Variants in DOT1L observed in about 807,000 individuals in gnomAD.
DOT1L encodes the protein histone-lysine N-methyltransferase, H3 lysine-79 specific.
DOT1L carries 33 observed loss-of-function variants against 153.3 expected under a neutral mutation model. That is an observed-to-expected ratio of 0.22 (90% CI 0.16 to 0.29). The LOEUF is 0.29. Among genes scored for constraint, DOT1L ranks in the 10% least tolerant of loss-of-function variants. The pLI is 1.00. For synonymous variants in DOT1L, 1,135 were observed against 965.1 expected, an observed-to-expected ratio of 1.18 and a Z score of -3.26; for missense variants, 1,847 against 2,119.9, an observed-to-expected ratio of 0.87 and a Z score of 2.53.
rs2023878647 is a variant in DOT1L at position 2,215,858 on chromosome 19, AGAAAG to A, written c.1924-417_1924-413del. 3.7e-5 allele frequency: 6 copies of A among 160,026 alleles called. No individual in the cohort carries two copies. The South Asian group carries it at 8.0e-4, about 21-fold the overall frequency. The allele number at this position is 160,026 out of a possible 1,614,324, so 9.9% of individuals were successfully genotyped here. A position where few individuals can be genotyped will look rare whatever the true frequency, so the allele number is the denominator to read the frequency against. ...ATAAAAAAACAATGTGTTTGTTAAAAGAAAGGAAAGCAGGTAAACAGAACAGATAA... is the reference window on the plus strand; with the variant it reads ...ATAAAAAAACAATGTGTTTGTTAAAAGAAAGCAGGTAAACAGAACAGATAA... On this transcript the variant is annotated intron_variant, in intron 19 of 27. Coordinates refer to ENST00000398665, the MANE Select transcript of DOT1L (RefSeq NM_032482.3).
chr19:2,176,391 G>A (rs1407644761), intron 1 of DOT1L, among the ~76,000 whole-genome samples: 1 of 152,210 alleles, frequency 6.6e-6, no homozygotes, highest in East Asian at 1.9e-4. Context: ...GTGGGGCAGA[G>A]GGCACGGCTC....
intron 24 of DOT1L, among the ~76,000 whole-genome samples, 193 bp from the exon 25 acceptor site, chr19:2,223,088 G>T (rs1039247695): frequency 1.3e-5 from 2 of 151,934 alleles, no homozygotes; most frequent in African/African-American, 4.8e-5. Flanking sequence ...GGCATGGGGG[G>T]CTCTGGGATT....
chr19:2,216,546 C>T lies in DOT1L; in HGVS notation c.2189C>T (p.Ser730Leu), dbSNP rs750873331. The T allele has an allele frequency of 2.0e-5, 32 of 1,610,718 alleles. No homozygotes were observed. The highest frequency in any genetic ancestry group is 3.3e-5 in the South Asian group (3 of 91,064). The change falls in exon 20 of 28, where the codon TCG becomes TTG. Residue 730 changes from serine to leucine, a missense_variant. By Grantham distance (145) the Ser-to-Leu change is moderately radical (BLOSUM62 -2). Coordinates refer to ENST00000398665, the MANE Select transcript of DOT1L (RefSeq NM_032482.3). ...YELCGVLSRP[S>L]SKQNTPQYLA... ...CTCTGCGGTGTGCTGAGCCGGCCTT[C>T]GTCGAAGCAGAACACGCCCCAGTAC...
At chr19:2,183,733 T>A (rs1286708522) in intron 2 of DOT1L, among the ~76,000 whole-genome samples, 1 of 151,956 alleles carries the variant, frequency 6.6e-6, no homozygotes, top group Non-Finnish European at 1.5e-5. Context: ...TTCAAGTGAT[T>A]CTTCTTCCTC....
At chr19:2,181,763 ACCAGCCCCAGCCCCAGCC>A (rs899034866) in intron 2 of DOT1L, among the ~76,000 whole-genome samples, 11 of 138,488 alleles carry the variant, frequency 7.9e-5, no homozygotes, top group South Asian at 2.3e-4. Flanking sequence ...CCCGCCCAGC[ACCAGCCCCAGCCCCAGCC>A]CCAGCCCCAG....
In DOT1L at chr19:2,226,558, G is replaced by A. The variant is rs2144932780; in HGVS notation, c.4037G>A (p.Gly1346Asp). 3 of 1,600,514 alleles carry A rather than the reference G, an allele frequency of 1.9e-6. No homozygotes were observed. Among genetic ancestry groups the A allele is most frequent in the Non-Finnish European group, 2.5e-6 (3 of 1,179,042 alleles). Residue 1346 changes from glycine to aspartate, a missense_variant, in exon 27 of 28, where the codon GGC (glycine) becomes GAC (aspartate). Physicochemically the swap from Gly to Asp is moderately conservative, Grantham distance 94 (BLOSUM62 -1). Around this residue, in one of 8 missense-constraint regions of DOT1L, gnomAD observed 934 missense variants for 825.3 expected, o/e 1.13. Transcript: ENST00000398665. ...CCCCACAAGGGCCCCGAGGCGGCCG[G>A]CCTGAGCTCCCCGCTGAGCTTCCCC... ...SLPHKGPEAA[G>D]LSSPLSFPSQ...
rs906498453 is a variant in DOT1L, at chr19:2,190,144, T to TC, written c.264+354dup. Reference sequence around the variant, plus strand: ...CCCCGGGCTGTGTGAATGCCGGCCTTCCCCCTTGGACCTCCCCCACACCGC... The same window carrying TC: ...CCCCGGGCTGTGTGAATGCCGGCCTTCCCCCCTTGGACCTCCCCCACACCGC... On this transcript the variant is annotated intron_variant, in intron 4 of 27. Transcript: ENST00000398665. This position sits in a 1 kb window ranked among gnomAD's most constrained non-coding sequence, Gnocchi z 4.8. Among the ~76,000 whole-genome samples the TC allele has an allele frequency of 1.1e-4, 17 of 151,976 alleles. No individual in the cohort carries two copies. The highest frequency in any genetic ancestry group is 4.1e-4 in the African/African-American group (17 of 41,438).
At chr19:2,174,748 C>G (rs2021825772) in intron 1 of DOT1L, among the ~76,000 whole-genome samples, 1 of 149,470 alleles carries the variant, frequency 6.7e-6, no homozygotes, top group Non-Finnish European at 1.5e-5. Flanking sequence ...GTCTCCCAAA[C>G]AGCTGAGACT....
rs1309223222 is a variant in DOT1L at position 2,180,704 on chromosome 19, CTG to C, written c.82-7_82-6del. ...GGCTCTGCGTCTCAAACTTCTCTCT[CTG>C]TTTCAGGATAAACATCACGATGCTG... On this transcript the variant is annotated splice_polypyrimidine_tract_variant and splice_region_variant and intron_variant, in intron 1 of 27. Coordinates refer to ENST00000398665, the MANE Select transcript of DOT1L (RefSeq NM_032482.3). The C allele has an allele frequency of 1.2e-6, 2 of 1,614,058 alleles. No homozygotes were observed. Among genetic ancestry groups the C allele is most frequent in the Non-Finnish European group, 1.7e-6 (2 of 1,180,000 alleles).
intron 8 of DOT1L, among the ~76,000 whole-genome samples, chr19:2,200,976 C>T (rs1599576757): frequency 8.3e-5 from 11 of 132,050 alleles, no homozygotes; most frequent in East Asian, 2.5e-4. Flanking sequence ...TCGTCCTCCC[C>T]TCATTCCTCG....
intron 1 of DOT1L, among the ~76,000 whole-genome samples, chr19:2,177,637 C>T (rs930827493): frequency 1.3e-5 from 2 of 152,158 alleles, no homozygotes; most frequent in East Asian, 1.9e-4. Flanking sequence ...TCTTTAGCCA[C>T]CTTTGAGCAA....
In DOT1L at chr19:2,204,573, C is replaced by G. The variant is rs1176916049; in HGVS notation, c.787+1794C>G. On this transcript the variant is annotated intron_variant, in intron 9 of 27. Transcript: ENST00000398665. The surrounding 1 kb of genome is among the most constrained non-coding windows in gnomAD (Gnocchi z 5.7). ...CGCTGCCCTAGAACGCCTCTTCTGG[C>G]TGTTTCTCGCCAGCTTTCTCTGCAC... is the stretch of plus-strand genomic sequence containing the variant. Among the ~76,000 whole-genome samples, 1 of 152,210 alleles carries G rather than the reference C, an allele frequency of 6.6e-6. No homozygotes were observed. The highest frequency in any genetic ancestry group is 1.5e-5 in the Non-Finnish European group (1 of 68,040).
chr19:2,173,084 C>T (rs967230410), intron 1 of DOT1L, among the ~76,000 whole-genome samples: 13 of 152,268 alleles, frequency 8.5e-5, no homozygotes, highest in South Asian at 4.1e-4. Context: ...ACGTTCTAAT[C>T]ACCCCAAAAG....
At position 2,226,742 on chromosome 19, in the gene DOT1L, C is replaced by T. The variant is rs780207083; in HGVS notation, c.4221C>T (p.Ser1407=). 2.8e-5 allele frequency: 44 copies of T among 1,556,550 alleles called. No homozygotes were observed. In the Admixed American group the frequency reaches 5.4e-4, roughly 19 times the overall value. The change falls in exon 27 of 28, where the codon AGC becomes AGT. Residue 1407 remains serine, a synonymous_variant. Coordinates refer to ENST00000398665, the MANE Select transcript of DOT1L (RefSeq NM_032482.3). ...CCACGGACAAGACCCCACTGCTGAGCGGCAAGGCCGCCAAGGCCCGGGACC... is the reference window on the plus strand; with the variant it reads ...CCACGGACAAGACCCCACTGCTGAGTGGCAAGGCCGCCAAGGCCCGGGACC... ...CGPTDKTPLL[S]GKAAKARDRE... is the part of the protein sequence containing the mutation.
chr19:2,175,784 T>C (rs1383853833), intron 1 of DOT1L, among the ~76,000 whole-genome samples: 5 of 152,018 alleles, frequency 3.3e-5, no homozygotes, highest in Non-Finnish European at 7.4e-5. Context: ...GAGCCGAGAC[T>C]GCGCCATTGA....
chr19:2,227,150 C>A, intron 27 of DOT1L, 23 bp downstream of exon 27: 1 of 1,554,032 alleles, frequency 6.4e-7, no homozygotes, highest in South Asian at 1.2e-5. Context: ...GCCGTCCGTC[C>A]GCCCCCCGCC....
chr19:2,179,492 A>G (rs1436032550), intron 1 of DOT1L, among the ~76,000 whole-genome samples: 1 of 152,216 alleles, frequency 6.6e-6, no homozygotes, highest in African/African-American at 2.4e-5. Flanking sequence ...GATTTAAAAA[A>G]AAATTGTTCA....
chr19:2,223,717 G>A (rs1053969694), intron 25 of DOT1L, among the ~76,000 whole-genome samples: 2 of 152,200 alleles, frequency 1.3e-5, no homozygotes, highest in South Asian at 2.1e-4. Flanking sequence ...CAGGGCCATC[G>A]GTTAGAAGAG....
chr19:2,179,785 C>T (rs556664429), intron 1 of DOT1L, among the ~76,000 whole-genome samples: 52 of 152,114 alleles, frequency 3.4e-4, no homozygotes, highest in African/African-American at 1.1e-3. Flanking sequence ...CCAGCCTGGG[C>T]GACAAACAAA....
Sources: allele counts gnomAD v4.1 joint callset (sites outside exome capture counted in the v4.1 genomes callset), GRCh38; gene constraint gnomAD v4.1.1; regional missense constraint gnomAD v4.1.1; non-coding constraint Gnocchi (gnomAD v3.1); transcripts MANE v1.5; gene names NCBI Gene and HGNC (gene_info 2026-07-23, HGNC 2026-07-21).